The following GLI3 variants were observed in gnomAD, a reference collection of about 807,000 sequenced individuals.
GLI3 encodes transcription activator GLI3.
A neutral mutation model predicts 100.8 loss-of-function variants in GLI3; 20 were observed. The observed-to-expected ratio is 0.20, with a 90% CI of 0.14 to 0.29. The LOEUF (loss-of-function observed/expected upper bound fraction) is 0.29. Ranked by LOEUF, GLI3 falls within the 10% of genes least tolerant of loss-of-function variation. The probability of loss-of-function intolerance (pLI) is 1.00; values close to 1 mark genes in which losing one functional copy is unlikely to be tolerated. For synonymous variants in GLI3, 938 were observed against 860.5 expected (o/e 1.09, Z -1.58); for missense variants, 2,040 against 2,128.5 (o/e 0.96, Z 0.82).
intron 2 of GLI3, among the ~76,000 whole-genome samples, chr7:42,166,868 C>G (rs893481142): frequency 4.0e-5 from 6 of 151,286 alleles, no homozygotes; most frequent in South Asian, 4.2e-4. Flanking sequence ...GCTTGTCACC[C>G]AGGCTGGAGT....
intron 1 of GLI3, among the ~76,000 whole-genome samples, chr7:42,228,919 T>C (rs1347071426): frequency 3.3e-5 from 5 of 152,116 alleles, no homozygotes; most frequent in South Asian, 4.2e-4. Flanking sequence ...CTGTAGTAAA[T>C]AGAAAATATG....
chr7:42,232,306 A>C (rs895084903), intron 1 of GLI3, among the ~76,000 whole-genome samples: 8 of 152,252 alleles, frequency 5.3e-5, no homozygotes, highest in Non-Finnish European at 5.9e-5. Context: ...GCTTTAAAAG[A>C]AAGCAAGGAT....
intron 3 of GLI3, among the ~76,000 whole-genome samples, chr7:42,104,570 T>G (rs1023856561): frequency 7.2e-5 from 11 of 152,262 alleles, no homozygotes; most frequent in Non-Finnish European, 1.6e-4. Flanking sequence ...CATCATTTAA[T>G]AAACACACAT....
At position 42,210,348 on chromosome 7, in the gene GLI3, C is replaced by G. The variant is rs1047185541; in HGVS notation, c.124+12782G>C. On this transcript the variant is annotated intron_variant, in intron 2 of 14. Transcript: ENST00000395925. ...TATTCAAAAATGAAAGCCCCCCCCC[C>G]CCCCCCAAGTTAAAATAAGGTACAA... Among the ~76,000 whole-genome samples the G allele has an allele frequency of 2.9e-4, 39 of 136,588 alleles. 1 individual carries two copies. The highest frequency in any genetic ancestry group is 1.1e-3 in the South Asian group (4 of 3,530). 89.6% of individuals were successfully genotyped at this position (136,588 alleles called of 152,430 possible).
chr7:42,093,538 G>A (rs1347926840), intron 3 of GLI3, among the ~76,000 whole-genome samples: 1 of 152,012 alleles, frequency 6.6e-6, no homozygotes, highest in Non-Finnish European at 1.5e-5. Context: ...ACTTAAATTT[G>A]GGTTTTCACA....
intron 7 of GLI3, among the ~76,000 whole-genome samples, chr7:42,030,726 G>GT (rs528255868): frequency 0.013 from 1,484 of 113,360 alleles, 18 homozygotes; most frequent in African/African-American, 0.036. Context: ...TTTGTTTCTT[G>GT]TTTTTTTTTT....
At chr7:42,031,450 G>A (rs1789295281) in intron 7 of GLI3, among the ~76,000 whole-genome samples, 1 of 152,180 alleles carries the variant, frequency 6.6e-6, no homozygotes, top group Non-Finnish European at 1.5e-5. Context: ...AGAGAAAGAA[G>A]TACCAAGGTC....
chr7:42,090,876 AG>A (rs1409547705), intron 3 of GLI3, among the ~76,000 whole-genome samples: 1 of 152,238 alleles, frequency 6.6e-6, no homozygotes, highest in Non-Finnish European at 1.5e-5. Flanking sequence ...CTAAGGAAGT[AG>A]GTATTCATAT....
Position 41,967,746 on chromosome 7 carries a change from G to T in GLI3, c.2281C>A (p.Leu761Ile). ...DSTISTATTA[L>I]ALQARRNPAG... Reference sequence around the variant, plus strand: ...GGGTTTCTCCTGGCTTGCAAAGCAAGGGCTGTGGTTGCAGTGGAAATGGTT... The same window carrying T: ...GGGTTTCTCCTGGCTTGCAAAGCAATGGCTGTGGTTGCAGTGGAAATGGTT... The change falls in exon 14 of 15, where the codon CTT becomes ATT. Residue 761 changes from leucine (L) to isoleucine (I), a missense_variant. This residue lies in a region of GLI3 where 327 missense variants were observed against 338.7 expected (regional missense o/e 0.97). Coordinates refer to ENST00000395925, the MANE Select transcript of GLI3 (RefSeq NM_000168.6). The T allele has an allele frequency of 6.2e-7, 1 of 1,614,220 alleles. No homozygotes were observed. The highest frequency in any genetic ancestry group is 8.5e-7 in the Non-Finnish European group (1 of 1,180,036).
At position 42,040,254 on chromosome 7, in the gene GLI3, A is replaced by G. The variant is rs369309115; in HGVS notation, c.827-15T>C. 7.1e-5 allele frequency: 113 copies of G among 1,593,524 alleles called. No individual in the cohort carries two copies. Among genetic ancestry groups the G allele is most frequent in the Non-Finnish European group, 9.4e-5 (109 of 1,161,554 alleles). ...GAATCTGGTGCCTGTTATATAAACA[A>G]AAAAGAACCTAATTACCTGCAGTTG... On this transcript the variant is annotated splice_polypyrimidine_tract_variant and intron_variant, in intron 6 of 14. Transcript: ENST00000395925.
At chr7:42,033,548 A>T (rs757171402) in intron 7 of GLI3, among the ~76,000 whole-genome samples, 21 of 152,212 alleles carry the variant, frequency 1.4e-4, no homozygotes, top group Non-Finnish European at 2.8e-4. Context: ...CACTGAGATG[A>T]CATGGTACCA....
At chr7:42,084,229 T>C (rs543995185) in intron 3 of GLI3, among the ~76,000 whole-genome samples, 3 of 152,366 alleles carry the variant, frequency 2.0e-5, no homozygotes, top group Admixed American at 6.5e-5. Context: ...AACAGTCAGA[T>C]AGATCCCTTC....
At position 41,961,796 on chromosome 7, in the gene GLI3, A is replaced by G. The variant is rs914105263; in HGVS notation, c.*2534T>C. ...AGATGCTTCTAAGTGACCTCAAAAG[A>G]CCTTCCTTCCACTGGACTGCCACAA... On this transcript the variant is annotated 3_prime_UTR_variant, in exon 15 of 15. Coordinates refer to ENST00000395925, the MANE Select transcript of GLI3 (RefSeq NM_000168.6). 2.6e-5 allele frequency: 4 copies of G among 152,056 alleles called. No individual in the cohort carries two copies. Among genetic ancestry groups the G allele is most frequent in the Non-Finnish European group, 5.9e-5 (4 of 68,044 alleles). 9.4% of individuals were successfully genotyped at this position (152,056 alleles called of 1,614,324 possible).
At chr7:42,216,290 G>T (rs1048458581) in intron 2 of GLI3, among the ~76,000 whole-genome samples, 3 of 152,202 alleles carry the variant, frequency 2.0e-5, no homozygotes, top group African/African-American at 7.2e-5. Context: ...GAAAAACCAG[G>T]TGCTACTCTC....
chr7:41,977,449 A>C, intron 12 of GLI3, 109 bp downstream of exon 12: 1 of 1,137,868 alleles, frequency 8.8e-7, no homozygotes, highest in Non-Finnish European at 1.3e-6. Flanking sequence ...TCATGCTGGG[A>C]ATGGCCAAGG....
chr7:42,011,972 G>A (rs927760297), intron 10 of GLI3, among the ~76,000 whole-genome samples: 1 of 152,190 alleles, frequency 6.6e-6, no homozygotes, highest in Admixed American at 6.5e-5. Flanking sequence ...TGAGTACACT[G>A]GCCAGATCCC....
chr7:42,067,646 T>C (rs748681854), intron 4 of GLI3, among the ~76,000 whole-genome samples: 54 of 152,282 alleles, frequency 3.5e-4, no homozygotes, highest in Non-Finnish European at 6.6e-4. Context: ...CTGTGCCCAG[T>C]TAACCTAACT....
chr7:42,177,573 T>A (rs75465645), intron 2 of GLI3, among the ~76,000 whole-genome samples: 1,727 of 152,298 alleles, frequency 0.011, 16 homozygotes, highest in South Asian at 0.065. Flanking sequence ...GAGCTCCAGT[T>A]CTACATTTCT....
chr7:42,181,327 G>A (rs867212672), intron 2 of GLI3, among the ~76,000 whole-genome samples: 10 of 152,276 alleles, frequency 6.6e-5, no homozygotes, highest in Admixed American at 3.3e-4. Context: ...CAGGCTAGGC[G>A]CGGTGGCTCA....
Sources: gnomAD v4.1 joint callset for allele counts (sites outside exome capture counted in the v4.1 genomes callset) on GRCh38, gnomAD v4.1.1 for gene constraint, gnomAD v4.1.1 regional missense constraint, MANE v1.5 for transcripts, NCBI Gene and HGNC (gene_info 2026-07-23, HGNC 2026-07-21) for gene names.